Variants in FHOD3 observed in about 807,000 individuals in gnomAD.
FHOD3 encodes formin homology 2 domain containing 3, also known as FH1/FH2 domain-containing protein 3.
In FHOD3, 90 loss-of-function variants were observed where a neutral mutation model predicts 173.0. That is an observed-to-expected ratio of 0.52 (90% confidence interval 0.44 to 0.62). The LOEUF is 0.62. FHOD3 is among the 20% of genes least tolerant of loss of function. The pLI, the probability that FHOD3 is intolerant of heterozygous loss-of-function variation, is 0.00. For missense variants in FHOD3, 1,945 were observed against 2,034.7 expected, an observed-to-expected ratio of 0.96 and a Z score of 0.85; for synonymous variants, 828 against 823.0, an observed-to-expected ratio of 1.01 and a Z score of -0.10.
chr18:36,297,970 G>A lies in FHOD3; in HGVS notation c.135G>A (p.Gly45=). 1 of 1,564,592 alleles carries A rather than the reference G, an allele frequency of 6.4e-7. No homozygotes were observed. The highest frequency in any genetic ancestry group is 8.6e-7 in the Non-Finnish European group (1 of 1,156,862). The part of the protein sequence containing the change: ...EDLALGTQLA[G]VHRLLQAPHK... ...TCGCGCTCGGCACCCAGCTGGCGGG[G>A]GTCCATAGGCTGCTGCAGGCGCCGC... The change falls in exon 1 of 29, where the codon GGG becomes GGA. Residue 45 remains glycine, a synonymous_variant. Transcript: ENST00000590592.
At chr18:36,461,386 A>G (rs1448876096) in intron 3 of FHOD3, among the ~76,000 whole-genome samples, 2 of 151,924 alleles carry the variant, frequency 1.3e-5, no homozygotes, top group Non-Finnish European at 2.9e-5. Flanking sequence ...GTTACTGGGA[A>G]TAAAGTTTTT....
chr18:36,304,442 T>TA (rs1199442323), intron 1 of FHOD3, among the ~76,000 whole-genome samples: 5 of 152,162 alleles, frequency 3.3e-5, no homozygotes, highest in Non-Finnish European at 7.3e-5. Flanking sequence ...ATAAAAGAGC[T>TA]AAAAAAATTA....
chr18:36,626,614 G>T (rs1245942055), intron 10 of FHOD3, among the ~76,000 whole-genome samples: 3 of 152,124 alleles, frequency 2.0e-5, no homozygotes, highest in African/African-American at 7.2e-5. Flanking sequence ...AATCCACAGG[G>T]GCTGACTAAC....
At chr18:36,741,466 G>C (rs76980944) in intron 21 of FHOD3, among the ~76,000 whole-genome samples, 3,810 of 152,252 alleles carry the variant, frequency 0.025, 56 homozygotes, top group Non-Finnish European at 0.04. Context: ...GTCTGCAGAA[G>C]AGAGATTCTA....
chr18:36,595,400 G>T (rs2030165061), intron 7 of FHOD3, among the ~76,000 whole-genome samples: 1 of 152,158 alleles, frequency 6.6e-6, no homozygotes, highest in African/African-American at 2.4e-5. Context: ...CCTGCCAGTG[G>T]CTTCCCAGTG....
At chr18:36,714,399 A>G (rs548608153) in intron 18 of FHOD3, among the ~76,000 whole-genome samples, 1 of 152,250 alleles carries the variant, frequency 6.6e-6, no homozygotes, top group Non-Finnish European at 1.5e-5. Context: ...TTAGCTGGGC[A>G]TGGTGGCTCG....
At chr18:36,439,307 T>C (rs1801640066) in intron 3 of FHOD3, among the ~76,000 whole-genome samples, 1 of 152,212 alleles carries the variant, frequency 6.6e-6, no homozygotes, top group Non-Finnish European at 1.5e-5. Flanking sequence ...GGCAGCTGTA[T>C]TACTTGCCAA....
At chr18:36,319,960 C>G (rs1003460045) in intron 1 of FHOD3, among the ~76,000 whole-genome samples, 11 of 152,034 alleles carry the variant, frequency 7.2e-5, no homozygotes, top group African/African-American at 2.4e-4. Flanking sequence ...CATAACATAC[C>G]AGAATCTCTG....
At chr18:36,399,971 A>C (rs2048729122) in intron 3 of FHOD3, among the ~76,000 whole-genome samples, 1 of 152,174 alleles carries the variant, frequency 6.6e-6, no homozygotes, top group East Asian at 1.9e-4. Flanking sequence ...TCCTTCATTC[A>C]CTGGGTGAAA....
intron 11 of FHOD3, among the ~76,000 whole-genome samples, chr18:36,651,926 C>T (rs780624834): frequency 3.9e-5 from 6 of 152,144 alleles, no homozygotes; most frequent in East Asian, 1.9e-4. Flanking sequence ...TGTCTGAAGG[C>T]GTCTGAATGT....
chr18:36,516,970 T>C (rs1425715425), intron 5 of FHOD3, among the ~76,000 whole-genome samples: 2 of 151,192 alleles, frequency 1.3e-5, no homozygotes, highest in African/African-American at 2.4e-5. Context: ...TTTATTTGCA[T>C]ACACAGCCCC....
chr18:36,496,734 A>C (rs2054766136), intron 3 of FHOD3, among the ~76,000 whole-genome samples: 1 of 152,228 alleles, frequency 6.6e-6, no homozygotes, highest in African/African-American at 2.4e-5. Flanking sequence ...ATAGGGAATA[A>C]TGCATAACAT....
chr18:36,408,797 C>T (rs1346277171), intron 3 of FHOD3, among the ~76,000 whole-genome samples: 2 of 152,160 alleles, frequency 1.3e-5, no homozygotes, highest in Non-Finnish European at 2.9e-5. Flanking sequence ...GGAGCCAAGC[C>T]TGGAGCATGT....
At position 36,652,717 on chromosome 18, in the gene FHOD3, C is replaced by T. The variant is rs1431515683; in HGVS notation, c.1434C>T (p.Ser478=). The change falls in exon 12 of 29, where the codon TCC becomes TCT. Residue 478 remains serine, a synonymous_variant. Coordinates refer to ENST00000590592, the MANE Select transcript of FHOD3 (RefSeq NM_001281740.3). ...TAGGTTWHSG[S]SGSEATPSAL... ...GCGGGACCACCTGGCACAGTGGGTCCTCTGGGTCTGAGGCCACCCCATCTG... is the reference window on the plus strand; with the variant it reads ...GCGGGACCACCTGGCACAGTGGGTCTTCTGGGTCTGAGGCCACCCCATCTG... The T allele has an allele frequency of 2.6e-6, 4 of 1,535,760 alleles. No individual in the cohort carries two copies. Among genetic ancestry groups the T allele is most frequent in the South Asian group, 2.4e-5 (2 of 84,036 alleles).
intron 3 of FHOD3, among the ~76,000 whole-genome samples, chr18:36,399,566 G>A (rs1315939693): frequency 1.3e-5 from 2 of 152,146 alleles, no homozygotes; most frequent in Non-Finnish European, 2.9e-5. Context: ...CCCTGAGGAA[G>A]TGGCTCCTGG....
intron 2 of FHOD3, among the ~76,000 whole-genome samples, chr18:36,370,936 T>C (rs931464576): frequency 1.3e-5 from 2 of 152,206 alleles, no homozygotes. Context: ...CAAAACTTTC[T>C]TCTGGTCTGG....
chr18:36,564,155 T>C (rs1220580118), intron 5 of FHOD3, among the ~76,000 whole-genome samples: 1 of 152,320 alleles, frequency 6.6e-6, no homozygotes, highest in Admixed American at 6.5e-5. Context: ...CTGACCCTGC[T>C]GCAGAGTCCA....
At chr18:36,336,718 A>C (rs1203224346) in intron 1 of FHOD3, among the ~76,000 whole-genome samples, 1 of 150,730 alleles carries the variant, frequency 6.6e-6, no homozygotes, top group Non-Finnish European at 1.5e-5. Flanking sequence ...ATGTGGTGAC[A>C]TGCACCTGTA....
At chr18:36,437,354 A>G (rs1341687410) in intron 3 of FHOD3, among the ~76,000 whole-genome samples, 1 of 152,172 alleles carries the variant, frequency 6.6e-6, no homozygotes, top group African/African-American at 2.4e-5. Context: ...TTGTGCTACA[A>G]CAAAACATGA....
Sources: gnomAD v4.1 joint callset for allele counts (sites outside exome capture counted in the v4.1 genomes callset) on GRCh38, gnomAD v4.1.1 for gene constraint, MANE v1.5 for transcripts, NCBI Gene and HGNC (gene_info 2026-07-23, HGNC 2026-07-21) for gene names.